Variants in CPLANE1 observed in about 807,000 individuals in gnomAD.
The protein encoded by CPLANE1 is ciliogenesis and planar polarity effector complex subunit 1.
Under a neutral mutation model 362.5 loss-of-function variants are expected in CPLANE1, and 263 were observed. The observed-to-expected ratio is 0.73, with a 90% CI of 0.66 to 0.80. CPLANE1 has a LOEUF of 0.80. Among genes scored for constraint, CPLANE1 ranks in the 30% least tolerant of loss-of-function variants. CPLANE1 has a pLI of 0.00. For synonymous variants in CPLANE1, 1,212 were observed against 1,302.6 expected (o/e 0.93, Z 1.50); for missense variants, 3,461 against 3,793.4 (o/e 0.91, Z 2.30).
In CPLANE1 at chr5:37,165,552, A is replaced by G. The variant is rs937224174; in HGVS notation, c.7520T>C (p.Ile2507Thr). ...GTTTTTCTATACCTTGGGTTTCTTAATGATTTCTGAATCATCATTATTAAT... is the reference window on the plus strand; with the variant it reads ...GTTTTTCTATACCTTGGGTTTCTTAGTGATTTCTGAATCATCATTATTAAT... The part of the protein sequence containing the change: ...SIINNDDSEI[I>T]KKPKEQQEHC... Residue 2507 changes from isoleucine (I) to threonine (T), a missense_variant, in exon 36 of 53, where the codon ATT becomes ACT. Transcript: ENST00000651892. 2.5e-6 allele frequency: 4 copies of G among 1,608,584 alleles called. No individual in the cohort carries two copies. The highest frequency in any genetic ancestry group is 3.4e-6 in the Non-Finnish European group (4 of 1,178,814).
At chr5:37,149,559 T>C (rs1772868327) in intron 42 of CPLANE1, among the ~76,000 whole-genome samples, 1 of 152,224 alleles carries the variant, frequency 6.6e-6, no homozygotes, top group African/African-American at 2.4e-5. Context: ...GCCGACTGTA[T>C]ACTATGTTTT....
intron 51 of CPLANE1, among the ~76,000 whole-genome samples, chr5:37,113,214 G>A (rs900982756): frequency 5.9e-5 from 9 of 152,222 alleles, no homozygotes; most frequent in African/African-American, 1.4e-4. Flanking sequence ...CGTGCTGTGG[G>A]AGGGACCAGG....
In CPLANE1 at chr5:37,185,006, A is replaced by G. The variant is rs753705409; in HGVS notation, c.4263T>C (p.Arg1421=). ...IQKVRVKALK[R]VQRNIGSFEV... ...CAAAAGAGCCTATATTTCTCTGCAC[A>G]CGTTTTAGAGCTTTCACCCTCACTT... Residue 1421 remains arginine, a synonymous_variant, in exon 25 of 53, where the codon CGT becomes CGC. Transcript: ENST00000651892. 8.7e-6 allele frequency: 14 copies of G among 1,613,966 alleles called. No homozygotes were observed. The African/African-American group carries it at 1.9e-4, about 22-fold the overall frequency.
At chr5:37,244,322 A>G (rs1026102592) in intron 5 of CPLANE1, 53 bp downstream of exon 5, 2 of 1,211,762 alleles carry the variant, frequency 1.7e-6, no homozygotes, top group South Asian at 2.9e-5. Flanking sequence ...TAGTTATACC[A>G]TTACACACTC....
In CPLANE1 at chr5:37,183,031, C is replaced by T. The variant is rs765017990; in HGVS notation, c.5150G>A (p.Cys1717Tyr). 1.1e-5 allele frequency: 17 copies of T among 1,613,386 alleles called. No individual in the cohort carries two copies. Among genetic ancestry groups the T allele is most frequent in the Admixed American group, 1.7e-5 (1 of 59,964 alleles). ...ATTGCACTGAATAGCTTTGAAAATA[C>T]ATCTTCTAGTTTTAATGGACTTGGG... ...WTPKSIKTRR[C>Y]IFKAIQCNDI... The change falls in exon 26 of 53, where the codon TGT (cysteine) becomes TAT (tyrosine). Residue 1717 changes from cysteine to tyrosine, a missense_variant. Physicochemically the swap from Cys to Tyr is radical, Grantham distance 194 (BLOSUM62 -2). Around this residue, in one of 2 missense-constraint regions of CPLANE1, gnomAD observed 3,380 missense variants for 3,666.1 expected, o/e 0.92. Transcript: ENST00000651892.
the CPLANE1 span, chr5:37,085,360 A>C: frequency 1.5e-6 from 2 of 1,348,422 alleles, no homozygotes; most frequent in Non-Finnish European, 2.1e-6. Flanking sequence ...CATCTGATCT[A>C]TGACACCAAG....
At chr5:37,215,722 G>A (rs140919715) in intron 15 of CPLANE1, among the ~76,000 whole-genome samples, 101 of 91,868 alleles carry the variant, frequency 1.1e-3, no homozygotes, top group East Asian at 6.5e-3. Flanking sequence ...TTTATTTCCC[G>A]TTTTTCCTTC....
rs1430994908 is a variant in CPLANE1 at position 37,165,617 on chromosome 5, C to T, written c.7455G>A (p.Arg2485=). 1.9e-6 allele frequency: 3 copies of T among 1,611,974 alleles called. No homozygotes were observed. In the Admixed American group the frequency reaches 5.0e-5, roughly 27 times the overall value. Residue 2485 remains arginine (R), a synonymous_variant, in exon 36 of 53, where the codon AGG becomes AGA. Transcript: ENST00000651892. ...GTCGAAAAGTCACATTTGGTTTTCT[C>T]CTCAGTTTCTCACATCTTTTTTCTT... ...ELQEKRCEKL[R]RKPNVTFRPE...
rs763944746 is a variant in CPLANE1, at chr5:37,157,760, C to T, written c.7921G>A (p.Asp2641Asn). 8.7e-6 allele frequency: 14 copies of T among 1,613,658 alleles called. No individual in the cohort carries two copies. Among genetic ancestry groups the T allele is most frequent in the Non-Finnish European group, 1.2e-5 (14 of 1,179,794 alleles). ...GCAGACGATGGAACTGCTAGATGAT[C>T]GCTTTGCTGTTTGATAACATTATCA... ...SNDNVIKQQS[D>N]HLAVPSSAEL... Residue 2641 changes from aspartate to asparagine, a missense_variant, in exon 40 of 53, where the codon GAT (aspartate) becomes AAT (asparagine). This residue lies in a region of CPLANE1 where 3,380 missense variants were observed against 3,666.1 expected (regional missense o/e 0.92). Coordinates refer to ENST00000651892, the MANE Select transcript of CPLANE1 (RefSeq NM_001384732.1).
chr5:37,106,477 A>T lies in CPLANE1; in HGVS notation c.*1125T>A, dbSNP rs1018265453. The T allele has an allele frequency of 8.1e-6, 3 of 370,166 alleles. No homozygotes were observed. The highest frequency in any genetic ancestry group is 1.1e-5 in the Non-Finnish European group (3 of 267,320). The allele number at this position is 370,166 out of a possible 1,614,324, so 22.9% of individuals were successfully genotyped here. On this transcript the variant is annotated 3_prime_UTR_variant, in exon 53 of 53. Transcript: ENST00000651892. ...AATGTACAACTATCATGTATCAATA[A>T]AATACCCATAGAATATACAAAAAAG...
rs73095753 is a variant in CPLANE1 at position 37,196,077 on chromosome 5, G to A, written c.3673-81C>T. ...AAAGAAACTATAAAAGAATCAGGCA[G>A]GTAAGATAAGCCACACAGAATGGAA... On this transcript the variant is annotated intron_variant, in intron 20 of 52. Coordinates refer to ENST00000651892, the MANE Select transcript of CPLANE1 (RefSeq NM_001384732.1). 1.6e-3 allele frequency: 1,871 copies of A among 1,175,774 alleles called. 31 individuals carry two copies. In the African/African-American group the frequency reaches 0.026, roughly 16 times the overall value. 72.8% of individuals were successfully genotyped at this position (1,175,774 alleles called of 1,614,324 possible).
At chr5:37,194,997 CA>C (rs374030741) in intron 21 of CPLANE1, among the ~76,000 whole-genome samples, 2 of 150,832 alleles carry the variant, frequency 1.3e-5, no homozygotes, top group South Asian at 4.2e-4. Flanking sequence ...CTAAAAAATA[CA>C]AAAAAAATTA....
the CPLANE1 span, among the ~76,000 whole-genome samples, chr5:37,078,232 G>T: frequency 6.6e-6 from 1 of 151,990 alleles, no homozygotes; most frequent in East Asian, 1.9e-4. Flanking sequence ...GTGGCGTGTT[G>T]TTCCCCCTAT....
At chr5:37,157,020 A>G (rs1775307890) in intron 41 of CPLANE1, among the ~76,000 whole-genome samples, 1 of 152,238 alleles carries the variant, frequency 6.6e-6, no homozygotes, top group Admixed American at 6.5e-5. Flanking sequence ...CTTTTACAAT[A>G]TGAGAATTGC....
Position 37,107,635 on chromosome 5 carries a change from C to A in CPLANE1, c.9723G>T (p.Gln3241His). The A allele has an allele frequency of 6.2e-7, 1 of 1,611,244 alleles. No individual in the cohort carries two copies. The highest frequency in any genetic ancestry group is 2.2e-5 in the East Asian group (1 of 44,802). Residue 3241 changes from glutamine (Q) to histidine (H), a missense_variant, in exon 53 of 53, where the codon CAG (glutamine) becomes CAT (histidine). Physicochemically the swap from Gln to His is conservative, Grantham distance 24. Around this residue, in one of 2 missense-constraint regions of CPLANE1, gnomAD observed 81 missense variants for 127.3 expected, o/e 0.64. Coordinates refer to ENST00000651892, the MANE Select transcript of CPLANE1 (RefSeq NM_001384732.1). ...IEDMVASVED[Q>H]GLSVHWALDL ...CCAGGGCCCAGTGGACAGACAGGCC[C>A]TGGTCCTCCACGCTGGCCACCATGT...
intron 9 of CPLANE1, among the ~76,000 whole-genome samples, chr5:37,228,647 G>C (rs547993295): frequency 2.6e-5 from 4 of 152,168 alleles, no homozygotes; most frequent in African/African-American, 9.6e-5. Flanking sequence ...TATTATCATT[G>C]TTATATGAAT....
chr5:37,170,704 G>A (rs1269821089), intron 32 of CPLANE1, among the ~76,000 whole-genome samples: 4 of 152,148 alleles, frequency 2.6e-5, no homozygotes, highest in Admixed American at 6.5e-5. Context: ...TTGGGAGGCC[G>A]AGGCAGGCAG....
At chr5:37,219,691 C>G (rs750947005) in intron 15 of CPLANE1, among the ~76,000 whole-genome samples, 1 of 152,136 alleles carries the variant, frequency 6.6e-6, no homozygotes, top group South Asian at 2.1e-4. Context: ...ATAGTAAATA[C>G]ATGGCAACAA....
chr5:37,241,274 C>T (rs560098012), intron 6 of CPLANE1, among the ~76,000 whole-genome samples: 1 of 151,964 alleles, frequency 6.6e-6, no homozygotes, highest in Non-Finnish European at 1.5e-5. Flanking sequence ...GCCAACATGG[C>T]GAAACCCCAT....
Sources: gnomAD v4.1 joint callset for allele counts (sites outside exome capture counted in the v4.1 genomes callset) on GRCh38, gnomAD v4.1.1 for gene constraint, gnomAD v4.1.1 regional missense constraint, MANE v1.5 for transcripts, NCBI Gene and HGNC (gene_info 2026-07-23, HGNC 2026-07-21) for gene names.